The following GABRG3 variants were observed in gnomAD, a reference collection of about 807,000 sequenced individuals.
GABRG3 encodes the protein gamma-aminobutyric acid receptor subunit gamma-3.
GABRG3 carries 25 observed loss-of-function variants against 48.8 expected under a neutral mutation model. The ratio of observed to expected loss-of-function variants is 0.51; its 90% CI spans 0.37 to 0.72. The LOEUF (loss-of-function observed/expected upper bound fraction) is 0.72, where lower values mean the gene tolerates loss of function less well. Among genes scored for constraint, GABRG3 ranks in the 30% least tolerant of loss-of-function variants. The probability of loss-of-function intolerance (pLI) is 0.00; values close to 1 mark genes in which losing one functional copy is unlikely to be tolerated. For synonymous variants in GABRG3, 227 were observed against 217.6 expected (o/e 1.04, Z -0.38); for missense variants, 394 against 577.9 (o/e 0.68, Z 3.26).
intron 6 of GABRG3, among the ~76,000 whole-genome samples, chr15:27,487,857 AG>A: frequency 6.6e-6 from 1 of 152,352 alleles, no homozygotes; most frequent in Admixed American, 6.5e-5. Flanking sequence ...GAAGATGCTT[AG>A]GAACACTCAT....
chr15:27,383,883 A>G (rs1237995413), intron 5 of GABRG3, among the ~76,000 whole-genome samples: 2 of 152,176 alleles, frequency 1.3e-5, no homozygotes, highest in East Asian at 1.9e-4. Context: ...GCAAAATTCC[A>G]TGTTCGTTTT....
At chr15:27,057,607 T>C (rs1414235208) in intron 3 of GABRG3, among the ~76,000 whole-genome samples, 1 of 152,228 alleles carries the variant, frequency 6.6e-6, no homozygotes, top group East Asian at 1.9e-4. Flanking sequence ...AGGGCACCTG[T>C]GATGGAGAGA....
chr15:27,023,873 A>G (rs1408055464), intron 2 of GABRG3, among the ~76,000 whole-genome samples: 1 of 152,222 alleles, frequency 6.6e-6, no homozygotes, highest in Non-Finnish European at 1.5e-5. Flanking sequence ...TTGAGGAATC[A>G]TCCTACTATT....
intron 9 of GABRG3, 37 bp from the exon 10 acceptor site, chr15:27,532,563 T>G: frequency 6.2e-7 from 1 of 1,600,282 alleles, no homozygotes; most frequent in Non-Finnish European, 8.5e-7. Flanking sequence ...TTTATTGCAT[T>G]TTACAATGGT....
chr15:27,245,382 A>G (rs551911232), intron 3 of GABRG3, among the ~76,000 whole-genome samples: 1 of 152,350 alleles, frequency 6.6e-6, no homozygotes, highest in South Asian at 2.1e-4. Flanking sequence ...ATGAATGTCT[A>G]GTACTTAATT....
chr15:27,248,906 G>T lies in GABRG3; in HGVS notation c.271-77903G>T, dbSNP rs183636716. Among the ~76,000 whole-genome samples, 112 of 152,024 alleles carry T rather than the reference G, an allele frequency of 7.4e-4. 4 individuals are homozygous for T. Among genetic ancestry groups the T allele is most frequent in the Non-Finnish European group, 8.8e-5 (6 of 67,976 alleles). On this transcript the variant is annotated intron_variant, in intron 3 of 9. Transcript: ENST00000615808. Reference sequence around the variant, plus strand: ...AAGCTGTCACCTGGGGCTGTACCATGAACGGGGGATTCTTTTAACGCGAAG... The same window carrying T: ...AAGCTGTCACCTGGGGCTGTACCATTAACGGGGGATTCTTTTAACGCGAAG...
At chr15:27,107,211 T>A (rs994652097) in intron 3 of GABRG3, among the ~76,000 whole-genome samples, 1 of 152,064 alleles carries the variant, frequency 6.6e-6, no homozygotes, top group African/African-American at 2.4e-5. Flanking sequence ...ATATTACTTT[T>A]ACTATATTGA....
chr15:27,022,251 C>T (rs1895908921), intron 2 of GABRG3, among the ~76,000 whole-genome samples: 1 of 152,232 alleles, frequency 6.6e-6, no homozygotes, highest in Non-Finnish European at 1.5e-5. Flanking sequence ...CTTGCCACTT[C>T]ACGCTGGAAA....
chr15:27,483,932 T>G (rs2150846222), intron 6 of GABRG3, among the ~76,000 whole-genome samples: 1 of 152,248 alleles, frequency 6.6e-6, no homozygotes, highest in South Asian at 2.1e-4. Context: ...AAAAATCACA[T>G]ACTTTTTTTT....
chr15:27,431,287 G>A (rs961425591), intron 5 of GABRG3, among the ~76,000 whole-genome samples: 5 of 152,080 alleles, frequency 3.3e-5, no homozygotes, highest in Admixed American at 3.3e-4. Flanking sequence ...CCATCTGGAA[G>A]TTTTAAAAAT....
At chr15:27,105,206 T>C (rs1897429369) in intron 3 of GABRG3, among the ~76,000 whole-genome samples, 1 of 152,086 alleles carries the variant, frequency 6.6e-6, no homozygotes, top group Non-Finnish European at 1.5e-5. Context: ...TACATAATGA[T>C]AAAAGGATCG....
At chr15:27,184,324 G>A (rs182634767) in intron 3 of GABRG3, among the ~76,000 whole-genome samples, 1 of 152,098 alleles carries the variant, frequency 6.6e-6, no homozygotes, top group African/African-American at 2.4e-5. Flanking sequence ...TGACAGAAAG[G>A]GTAACTGGGA....
intron 3 of GABRG3, among the ~76,000 whole-genome samples, chr15:27,167,208 G>A (rs963005209): frequency 6.6e-6 from 1 of 152,146 alleles, no homozygotes; most frequent in Non-Finnish European, 1.5e-5. Flanking sequence ...GAGGTCCCCT[G>A]GGCCTCCTCT....
chr15:27,166,452 T>A (rs1197036038), intron 3 of GABRG3, among the ~76,000 whole-genome samples: 1 of 152,068 alleles, frequency 6.6e-6, no homozygotes, highest in Non-Finnish European at 1.5e-5. Context: ...GTGAAAGGTG[T>A]TTCTGTCTTC....
chr15:27,224,424 C>A (rs1472202482), intron 3 of GABRG3, among the ~76,000 whole-genome samples: 1 of 152,168 alleles, frequency 6.6e-6, no homozygotes, highest in Non-Finnish European at 1.5e-5. Flanking sequence ...TGCTACCTGA[C>A]CCTCACAGCT....
chr15:27,308,537 C>G (rs976900893), intron 3 of GABRG3, among the ~76,000 whole-genome samples: 5 of 145,082 alleles, frequency 3.4e-5, no homozygotes, highest in African/African-American at 1.3e-4. Context: ...TTTATATAAA[C>G]ATATATAATG....
intron 5 of GABRG3, among the ~76,000 whole-genome samples, chr15:27,470,553 G>T (rs1220358948): frequency 1.3e-5 from 2 of 151,240 alleles, no homozygotes; most frequent in Non-Finnish European, 1.5e-5. Context: ...TGGCTTATGG[G>T]CCATTTTTAT....
In GABRG3 at chr15:27,326,794, T is replaced by C. The variant is rs1893630353; in HGVS notation, c.271-15T>C. ...TTAATAGAACTGTCTTGCCTCTCCT[T>C]CTGCTCTGTTTCAGGAATACCAAAT... On this transcript the variant is annotated splice_polypyrimidine_tract_variant and intron_variant, in intron 3 of 9. Coordinates refer to ENST00000615808, the MANE Select transcript of GABRG3 (RefSeq NM_033223.5). The C allele has an allele frequency of 1.3e-6, 2 of 1,594,144 alleles. No homozygotes were observed. The highest frequency in any genetic ancestry group is 1.7e-6 in the Non-Finnish European group (2 of 1,161,808).
chr15:27,408,406 T>A (rs1006193567), intron 5 of GABRG3, among the ~76,000 whole-genome samples: 17 of 152,218 alleles, frequency 1.1e-4, no homozygotes, highest in Non-Finnish European at 2.9e-5. Context: ...CGTGCAGCTA[T>A]TTGTTTGCTG....
Sources: gnomAD v4.1 joint callset for allele counts (sites outside exome capture counted in the v4.1 genomes callset) on GRCh38, gnomAD v4.1.1 for gene constraint, MANE v1.5 for transcripts, NCBI Gene and HGNC (gene_info 2026-07-23, HGNC 2026-07-21) for gene names.